ACADSB: variants seen among roughly 807,000 people sequenced by gnomAD.
ACADSB encodes acyl-CoA dehydrogenase short/branched chain, also known as short/branched chain specific acyl-CoA dehydrogenase, mitochondrial.
In ACADSB, 40 loss-of-function variants were observed where a neutral mutation model predicts 54.1. That is an observed-to-expected ratio of 0.74 (90% CI 0.57 to 0.96). The LOEUF is 0.96. Among genes scored for constraint, ACADSB ranks in the 40% least tolerant of loss-of-function variants. The pLI, the probability that ACADSB is intolerant of heterozygous loss-of-function variation, is 0.00. For synonymous variants in ACADSB, 182 were observed against 182.8 expected, an observed-to-expected ratio of 1.00 and a Z score of 0.03; for missense variants, 530 against 510.4, an observed-to-expected ratio of 1.04 and a Z score of -0.37.
intron 1 of ACADSB, among the ~76,000 whole-genome samples, chr10:123,021,227 C>A (rs1850180128): frequency 6.6e-6 from 1 of 152,152 alleles, no homozygotes; most frequent in South Asian, 2.1e-4. Context: ...TAAAATGAAA[C>A]CTTATAGACA....
intron 6 of ACADSB, 125 bp downstream of exon 6, chr10:123,043,296 G>C: frequency 8.2e-7 from 1 of 1,222,336 alleles, no homozygotes; most frequent in East Asian, 2.4e-5. Context: ...AGAGTATTTT[G>C]TAAAACCCTG....
chr10:123,017,611 C>T (rs1850124517), intron 1 of ACADSB, among the ~76,000 whole-genome samples: 1 of 152,240 alleles, frequency 6.6e-6, no homozygotes, highest in South Asian at 2.1e-4. Flanking sequence ...AGCCACCTCA[C>T]CGGGTGGACA....
At chr10:123,009,277 G>A (rs1172204352) in intron 1 of ACADSB, among the ~76,000 whole-genome samples, 1 of 152,198 alleles carries the variant, frequency 6.6e-6, no homozygotes, top group Non-Finnish European at 1.5e-5. Flanking sequence ...CAAGGGGGTC[G>A]GGGCTGTCTA....
intron 3 of ACADSB, among the ~76,000 whole-genome samples, chr10:123,038,989 T>C (rs148885059): frequency 1.2e-4 from 18 of 152,346 alleles, no homozygotes; most frequent in Non-Finnish European, 2.4e-4. Flanking sequence ...CGGGGCTGTC[T>C]GCAGAGTGAT....
Position 123,009,037 on chromosome 10 carries a change from G to A in ACADSB, c.8G>A (p.Gly3Asp), listed in dbSNP as rs778965920. The stretch of plus-strand genomic sequence containing the variant: ...GAGAGGCCTGCGGCGAGGATGGAGG[G>A]CCTGGCAGTGCGGTTGCTGCGCGGC... MEGLAVRLLRGSR... is the reference protein window; with the variant it reads MEDLAVRLLRGSR... Residue 3 changes from glycine to aspartate, a missense_variant, in exon 1 of 11, where the codon GGC becomes GAC. Gly to Asp is a moderately conservative substitution (Grantham distance 94). Transcript: ENST00000358776. 19 of 1,548,048 alleles carry A rather than the reference G, an allele frequency of 1.2e-5. No individual in the cohort carries two copies. The South Asian group carries it at 2.1e-4, about 17-fold the overall frequency.
chr10:123,037,935 T>C (rs1422682476), intron 3 of ACADSB, 88 bp downstream of exon 3: 4 of 964,420 alleles, frequency 4.1e-6, no homozygotes, highest in Non-Finnish European at 6.5e-6. Context: ...CATTTCCCAG[T>C]CAAAATTATC....
chr10:123,044,584 A>C, intron 7 of ACADSB, 99 bp downstream of exon 7: 1 of 922,792 alleles, frequency 1.1e-6, no homozygotes, highest in Admixed American at 1.9e-5. Flanking sequence ...TTATGGACAC[A>C]AGATGGCACC....
intron 2 of ACADSB, among the ~76,000 whole-genome samples, chr10:123,036,243 A>G (rs1306832014): frequency 6.6e-6 from 1 of 152,114 alleles, no homozygotes; most frequent in African/African-American, 2.4e-5. Flanking sequence ...GTGTGCCACC[A>G]CGCCCAGCTA....
At chr10:123,030,520 C>G in intron 1 of ACADSB, among the ~76,000 whole-genome samples, 1 of 129,376 alleles carries the variant, frequency 7.7e-6, no homozygotes. Flanking sequence ...GAGCGAGACT[C>G]TGTCTCAAAA....
At chr10:123,030,633 C>T (rs1850314352) in intron 1 of ACADSB, among the ~76,000 whole-genome samples, 2 of 152,090 alleles carry the variant, frequency 1.3e-5, no homozygotes, top group Non-Finnish European at 1.5e-5. Flanking sequence ...GGAGACAACA[C>T]AATATCTCTG....
intron 2 of ACADSB, among the ~76,000 whole-genome samples, chr10:123,036,300 T>TG (rs1340230625): frequency 6.6e-6 from 1 of 152,218 alleles, no homozygotes. Flanking sequence ...TTAGCCAGGC[T>TG]GGTCTCGAAC....
In ACADSB at chr10:123,044,476, T is replaced by C. The variant is rs2133484731; in HGVS notation, c.891T>C (p.Ile297=). 1 of 1,612,032 alleles carries C rather than the reference T, an allele frequency of 6.2e-7. No individual in the cohort carries two copies. Among genetic ancestry groups the C allele is most frequent in the Non-Finnish European group, 8.5e-7 (1 of 1,178,146 alleles). ...GTCTCAATGAAGGTAGAATAGGAAT[T>C]GCTGCACAGGTAAGTCAGATTTAAA... ...IGSLNEGRIG[I]AAQMLGLAQG... Residue 297 remains isoleucine (I), a synonymous_variant, in exon 7 of 11, where the codon ATT becomes ATC. Coordinates refer to ENST00000358776, the MANE Select transcript of ACADSB (RefSeq NM_001609.4).
At chr10:123,045,144 TATATA>T (rs1285684533) in intron 7 of ACADSB, among the ~76,000 whole-genome samples, 1 of 13,582 alleles carries the variant, frequency 7.4e-5, no homozygotes, top group African/African-American at 3.2e-4. Flanking sequence ...TATATATATA[TATATA>T]TATATATATA....
At chr10:123,009,485 A>G (rs1849973689) in intron 1 of ACADSB, among the ~76,000 whole-genome samples, 1 of 151,934 alleles carries the variant, frequency 6.6e-6, no homozygotes, top group South Asian at 2.1e-4. Flanking sequence ...CCCTCCCCCA[A>G]AAAAGATAGT....
At chr10:123,022,392 A>T (rs780934816) in intron 1 of ACADSB, among the ~76,000 whole-genome samples, 1 of 152,256 alleles carries the variant, frequency 6.6e-6, no homozygotes. Flanking sequence ...ACTGCATTGG[A>T]CAATCTCCAC....
intron 6 of ACADSB, among the ~76,000 whole-genome samples, chr10:123,043,645 GC>G (rs1024207703): frequency 5.3e-5 from 8 of 152,144 alleles, no homozygotes; most frequent in African/African-American, 1.9e-4. Context: ...GGTGGTGTCG[GC>G]TTTTCCACCA....
chr10:123,054,138 T>C lies in ACADSB; in HGVS notation c.*373T>C, dbSNP rs1327396792. The C allele has an allele frequency of 4.0e-6, 1 of 248,326 alleles. No homozygotes were observed. Among genetic ancestry groups the C allele is most frequent in the African/African-American group, 2.2e-5 (1 of 44,892 alleles). 15.4% of individuals were successfully genotyped at this position (248,326 alleles called of 1,614,324 possible). On this transcript the variant is annotated 3_prime_UTR_variant, in exon 11 of 11. Transcript: ENST00000358776. Reference sequence around the variant, plus strand: ...ACCTCCTGGGTTCCAGTGATTCTCATGCCTCATCCTCCCAAGTAGCTGGAA... The same window carrying C: ...ACCTCCTGGGTTCCAGTGATTCTCACGCCTCATCCTCCCAAGTAGCTGGAA...
Position 123,052,087 on chromosome 10 carries a change from A to G in ACADSB, c.1128+901A>G, listed in dbSNP as rs1452089007. Reference sequence around the variant, plus strand: ...CCTTTTTCAAAGTGGCAGTGAGGCCATGTCACCTTCCAGCTTTAACCCTTC... The same window carrying G: ...CCTTTTTCAAAGTGGCAGTGAGGCCGTGTCACCTTCCAGCTTTAACCCTTC... On this transcript the variant is annotated intron_variant, in intron 9 of 10. Coordinates refer to ENST00000358776, the MANE Select transcript of ACADSB (RefSeq NM_001609.4). This position sits in a 1 kb window ranked among gnomAD's most constrained non-coding sequence, Gnocchi z 4.2. Among the ~76,000 whole-genome samples the G allele has an allele frequency of 6.6e-6, 1 of 152,162 alleles. No homozygotes were observed. The highest frequency in any genetic ancestry group is 1.5e-5 in the Non-Finnish European group (1 of 68,030).
chr10:123,057,724 A>G lies in ACADSB; in HGVS notation c.*3959A>G, dbSNP rs1270710067. The stretch of plus-strand genomic sequence containing the variant: ...TTAAAATCATGGAAAGTTAAAATCT[A>G]GAAAGACCTTAGAGAACCAGCCAAC... On this transcript the variant is annotated 3_prime_UTR_variant, in exon 11 of 11. Coordinates refer to ENST00000358776, the MANE Select transcript of ACADSB (RefSeq NM_001609.4). 1 of 152,254 alleles carries G rather than the reference A, an allele frequency of 6.6e-6. No individual in the cohort carries two copies. Among genetic ancestry groups the G allele is most frequent in the Non-Finnish European group, 1.5e-5 (1 of 68,046 alleles). 9.4% of individuals were successfully genotyped at this position (152,254 alleles called of 1,614,324 possible).
Sources: allele counts gnomAD v4.1 joint callset (sites outside exome capture counted in the v4.1 genomes callset), GRCh38; gene constraint gnomAD v4.1.1; non-coding constraint Gnocchi (gnomAD v3.1); transcripts MANE v1.5; gene names NCBI Gene and HGNC (gene_info 2026-07-23, HGNC 2026-07-21).